LRP2: variants seen among roughly 807,000 people sequenced by gnomAD.
The protein encoded by LRP2 is low-density lipoprotein receptor-related protein 2.
A neutral mutation model predicts 531.0 loss-of-function variants in LRP2; 172 were observed. The ratio of observed to expected loss-of-function variants is 0.32; its 90% confidence interval spans 0.29 to 0.37. LRP2 has a LOEUF of 0.37. LRP2 is among the 10% of genes least tolerant of loss of function. The pLI, the probability that LRP2 is intolerant of heterozygous loss-of-function variation, is 1.00. For synonymous variants in LRP2, 1,992 were observed against 2,027.6 expected, an observed-to-expected ratio of 0.98 and a Z score of 0.47; for missense variants, 5,167 against 5,868.3, an observed-to-expected ratio of 0.88 and a Z score of 3.90.
Position 169,282,903 on chromosome 2 carries a change from G to T in LRP2, c.1141C>A (p.Arg381Ser). ...TCATTAGCTTTGCAATACTGTCCACGCTCCAAGATATACCCTTCTTCACAG... is the reference window on the plus strand; with the variant it reads ...TCATTAGCTTTGCAATACTGTCCACTCTCCAAGATATACCCTTCTTCACAG... Reference protein sequence around the residue: ...CHCEEGYILERGQYCKANDSF... With the variant: ...CHCEEGYILESGQYCKANDSF... The change falls in exon 10 of 79, where the codon CGT becomes AGT. Residue 381 changes from arginine (R) to serine (S), a missense_variant. Coordinates refer to ENST00000649046, the MANE Select transcript of LRP2 (RefSeq NM_004525.3). The T allele has an allele frequency of 6.2e-7, 1 of 1,613,924 alleles. No homozygotes were observed.
intron 50 of LRP2, among the ~76,000 whole-genome samples, chr2:169,183,680 G>A (rs2105298112): frequency 6.6e-6 from 1 of 152,220 alleles, no homozygotes. Flanking sequence ...TTCTTCTCAA[G>A]AAAACATGGA....
chr2:169,220,614 G>T, intron 33 of LRP2, 51 bp from the exon 34 acceptor site: 1 of 1,234,092 alleles, frequency 8.1e-7, no homozygotes. Flanking sequence ...GGGAACCAAA[G>T]GAAACTGAGA....
At chr2:169,242,108 C>T (rs1177101252) in intron 24 of LRP2, among the ~76,000 whole-genome samples, 1 of 152,182 alleles carries the variant, frequency 6.6e-6, no homozygotes, top group East Asian at 1.9e-4. Flanking sequence ...AGTATATAAG[C>T]ATTTTATTTA....
At position 169,283,037 on chromosome 2, in the gene LRP2, T is replaced by A. The variant is rs749711145; in HGVS notation, c.1043-36A>T. The A allele has an allele frequency of 2.9e-5, 46 of 1,610,954 alleles. No homozygotes were observed. The Admixed American group carries it at 3.3e-4, about 12-fold the overall frequency. On this transcript the variant is annotated intron_variant, in intron 9 of 78. Coordinates refer to ENST00000649046, the MANE Select transcript of LRP2 (RefSeq NM_004525.3). ...GAAAATACACATTTGTAGTCAAGGT[T>A]ATCAGCATTTATTAAGCACTCTCTG... is the stretch of plus-strand genomic sequence containing the variant.
intron 77 of LRP2, 80 bp downstream of exon 77, chr2:169,132,493 GT>G: frequency 1.2e-6 from 1 of 807,980 alleles, no homozygotes; most frequent in Admixed American, 1.7e-5. Flanking sequence ...AATCTCCCTT[GT>G]TTGCTTAAGG....
chr2:169,340,237 G>A (rs1485765175), intron 1 of LRP2, among the ~76,000 whole-genome samples: 1 of 151,930 alleles, frequency 6.6e-6, no homozygotes, highest in African/African-American at 2.4e-5. Flanking sequence ...CATCATTCTT[G>A]TTTCTCTCTT....
Position 169,132,559 on chromosome 2 carries a change from GTCGGCAAC to G in LRP2, c.13728+7_13728+14del. On this transcript the variant is annotated splice_region_variant and intron_variant, in intron 77 of 78. Transcript: ENST00000649046. ...TTCCAAATCCCACATTATTTCAGGA[GTCGGCAAC>G]TGTTACCTGAGTTCCATCAGCAGCT... The G allele has an allele frequency of 6.8e-7, 1 of 1,462,750 alleles. No homozygotes were observed. The highest frequency in any genetic ancestry group is 2.3e-5 in the East Asian group (1 of 44,204). 90.6% of individuals were successfully genotyped at this position (1,462,750 alleles called of 1,614,324 possible).
intron 9 of LRP2, among the ~76,000 whole-genome samples, chr2:169,283,478 G>T (rs1683761390): frequency 6.6e-6 from 1 of 152,126 alleles, no homozygotes; most frequent in Non-Finnish European, 1.5e-5. Context: ...ATGACTAGTG[G>T]TTACAATATG....
At chr2:169,352,208 G>T (rs1043547290) in intron 1 of LRP2, among the ~76,000 whole-genome samples, 1 of 152,132 alleles carries the variant, frequency 6.6e-6, no homozygotes, top group Admixed American at 6.6e-5. Context: ...AGGAGGGTCT[G>T]GGGGGAACTT....
At chr2:169,270,870 TACAC>T (rs145964808) in intron 16 of LRP2, 30 bp downstream of exon 16, 682 of 1,388,296 alleles carry the variant, frequency 4.9e-4, no homozygotes, top group African/African-American at 4.2e-3. Flanking sequence ...AAAACACGCA[TACAC>T]ACACACACAC....
chr2:169,299,123 G>GAAGGAAAT (rs2105479214), intron 4 of LRP2, among the ~76,000 whole-genome samples: 1 of 88,108 alleles, frequency 1.1e-5, no homozygotes, highest in African/African-American at 4.3e-5. Context: ...AAGAAAGAAA[G>GAAGGAAAT]AAAGAAAGAA....
intron 63 of LRP2, among the ~76,000 whole-genome samples, chr2:169,158,847 A>T (rs996262341): frequency 2.6e-3 from 256 of 100,392 alleles, no homozygotes; most frequent in African/African-American, 8.2e-3. Context: ...CTTTCACAGT[A>T]AAAAAAAAAC....
Position 169,324,318 on chromosome 2 carries a change from AG to A in LRP2, c.80-3435del, listed in dbSNP as rs543748809. Reference sequence around the variant, plus strand: ...TATGTTCCCTTTCACCAAAAAAAAAAGTTTATTCCACTAAACTCAAGAATGA... The same window carrying A: ...TATGTTCCCTTTCACCAAAAAAAAAATTTATTCCACTAAACTCAAGAATGA... On this transcript the variant is annotated intron_variant, in intron 1 of 78. Coordinates refer to ENST00000649046, the MANE Select transcript of LRP2 (RefSeq NM_004525.3). Among the ~76,000 whole-genome samples, 523 of 152,190 alleles carry A rather than the reference AG, an allele frequency of 3.4e-3. 5 individuals carry two copies. The highest frequency in any genetic ancestry group is 0.012 in the African/African-American group (494 of 41,494).
intron 68 of LRP2, among the ~76,000 whole-genome samples, chr2:169,150,090 A>C (rs1686067841): frequency 6.6e-6 from 1 of 152,218 alleles, no homozygotes; most frequent in African/African-American, 2.4e-5. Flanking sequence ...CTCATCAGTC[A>C]AGTATTTTTC....
At chr2:169,327,583 C>T (rs1332509663) in intron 1 of LRP2, among the ~76,000 whole-genome samples, 6 of 121,488 alleles carry the variant, frequency 4.9e-5, no homozygotes, top group South Asian at 2.9e-4. Flanking sequence ...AGGTGAGGGG[C>T]GCCTCTGCCC....
chr2:169,270,738 A>G (rs1353164932), intron 16 of LRP2, among the ~76,000 whole-genome samples, 166 bp downstream of exon 16: 4 of 148,026 alleles, frequency 2.7e-5, no homozygotes, highest in African/African-American at 9.9e-5. Context: ...CATGTACCCT[A>G]GAACTTAAAG....
rs866129593 is a variant in LRP2 at position 169,259,360 on chromosome 2, A to C, written c.2321-143T>G. ...TGGAATTCTTTAAAAAAAAAAAAAA[A>C]AAAAAACTCTGTAAGCTGCTGAGCA... On this transcript the variant is annotated intron_variant, in intron 16 of 78. Coordinates refer to ENST00000649046, the MANE Select transcript of LRP2 (RefSeq NM_004525.3). 2,114 of 635,972 alleles carry C rather than the reference A, an allele frequency of 3.3e-3. 50 individuals carry two copies. The African/African-American group carries it at 0.035, about 11-fold the overall frequency. 39.4% of individuals were successfully genotyped at this position (635,972 alleles called of 1,614,324 possible).
intron 60 of LRP2, 94 bp from the exon 61 acceptor site, chr2:169,168,770 T>C: frequency 7.5e-7 from 1 of 1,336,614 alleles, no homozygotes; most frequent in Non-Finnish European, 1.1e-6. Context: ...CTTGCCATTA[T>C]AGCCTGCTCT....
At position 169,244,926 on chromosome 2, in the gene LRP2, G is replaced by C; in HGVS notation, c.3197C>G (p.Thr1066Ser). The C allele has an allele frequency of 6.2e-7, 1 of 1,614,184 alleles. No homozygotes were observed. The highest frequency in any genetic ancestry group is 8.5e-7 in the Non-Finnish European group (1 of 1,180,020). Reference protein sequence around the residue: ...DEQLCGTLNNTCSSSAFTCGH... With the variant: ...DEQLCGTLNNSCSSSAFTCGH... ...ACAGGTGAACGCCGAAGATGAACAG[G>C]TATTATCTACAATAGTAACAAACTG... Residue 1066 changes from threonine to serine, a missense_variant, in exon 22 of 79, where the codon ACC (threonine) becomes AGC (serine). By Grantham distance (58) the Thr-to-Ser change is moderately conservative. Around this residue, in one of 6 missense-constraint regions of LRP2, gnomAD observed 2,811 missense variants for 3,058.0 expected, o/e 0.92. Coordinates refer to ENST00000649046, the MANE Select transcript of LRP2 (RefSeq NM_004525.3).
Sources: gnomAD v4.1 joint callset for allele counts (sites outside exome capture counted in the v4.1 genomes callset) on GRCh38, gnomAD v4.1.1 for gene constraint, gnomAD v4.1.1 regional missense constraint, MANE v1.5 for transcripts, NCBI Gene and HGNC (gene_info 2026-07-23, HGNC 2026-07-21) for gene names.